Variants in RAB37 observed in about 807,000 individuals in gnomAD.
RAB37 encodes RAB37, member RAS oncogene family.
In RAB37, 29 loss-of-function variants were observed where a neutral mutation model predicts 33.1. That is an observed-to-expected ratio of 0.88 (90% CI 0.65 to 1.20). The LOEUF (loss-of-function observed/expected upper bound fraction) is 1.20, where lower values mean the gene tolerates loss of function less well. RAB37 is among the 50% of genes most tolerant of loss of function. The pLI, the probability that RAB37 is intolerant of heterozygous loss-of-function variation, is 0.00. For synonymous variants in RAB37, 128 were observed against 119.5 expected (o/e 1.07, Z -0.47); for missense variants, 299 against 301.1 (o/e 0.99, Z 0.05).
At chr17:74,718,227 G>A (rs1245079574) in intron 1 of RAB37, among the ~76,000 whole-genome samples, 1 of 152,108 alleles carries the variant, frequency 6.6e-6, no homozygotes, top group Non-Finnish European at 1.5e-5. Flanking sequence ...CCAGGAGACG[G>A]AGGTTGCAGT....
At chr17:74,705,397 C>T (rs1237898011) in intron 1 of RAB37, 1 of 538,334 alleles carries the variant, frequency 1.9e-6, no homozygotes, top group Non-Finnish European at 3.4e-6. Flanking sequence ...CCATACAACA[C>T]AGATCCCACT....
chr17:74,678,984 G>A (rs1173160010), intron 1 of RAB37, among the ~76,000 whole-genome samples: 3 of 151,834 alleles, frequency 2.0e-5, no homozygotes, highest in East Asian at 1.9e-4. Flanking sequence ...GGTGGCAGGC[G>A]CCTGTAACCC....
intron 1 of RAB37, among the ~76,000 whole-genome samples, chr17:74,685,442 C>T (rs2032035426): frequency 6.6e-6 from 1 of 152,188 alleles, no homozygotes; most frequent in African/African-American, 2.4e-5. Context: ...CCTGCCTTGG[C>T]CTCCCAAAGT....
chr17:74,742,237 G>T lies in RAB37; in HGVS notation c.205-17G>T, dbSNP rs201210499. ...CATGACTCCTGCCCTCCCATCCTCT[G>T]CCTTTTTCTCTTTCAGAACAAGGTG... On this transcript the variant is annotated splice_polypyrimidine_tract_variant and intron_variant, in intron 2 of 8. Coordinates refer to ENST00000392613, the MANE Select transcript of RAB37 (RefSeq NM_001006638.3). This position sits in a 1 kb window ranked among gnomAD's most constrained non-coding sequence, Gnocchi z 4.0. 1.2e-6 allele frequency: 2 copies of T among 1,612,524 alleles called. No homozygotes were observed. The highest frequency in any genetic ancestry group is 1.7e-6 in the Non-Finnish European group (2 of 1,179,166).
At chr17:74,683,865 C>A (rs574420552) in intron 1 of RAB37, among the ~76,000 whole-genome samples, 2 of 152,190 alleles carry the variant, frequency 1.3e-5, no homozygotes, top group South Asian at 4.2e-4. Flanking sequence ...GTGGTTGCGT[C>A]CCCAGGACAG....
chr17:74,716,655 A>C (rs975592406), intron 1 of RAB37, among the ~76,000 whole-genome samples: 2 of 152,122 alleles, frequency 1.3e-5, no homozygotes, highest in African/African-American at 4.8e-5. Flanking sequence ...ATTCAAACCC[A>C]GGCCTGGTTC....
intron 1 of RAB37, among the ~76,000 whole-genome samples, chr17:74,704,026 C>T (rs918596777): frequency 1.3e-5 from 2 of 152,166 alleles, no homozygotes; most frequent in African/African-American, 4.8e-5. Flanking sequence ...TGCTGAGCCT[C>T]TTTTTCCCCC....
At chr17:74,689,967 T>C (rs1450652721) in intron 1 of RAB37, among the ~76,000 whole-genome samples, 1 of 152,182 alleles carries the variant, frequency 6.6e-6, no homozygotes, top group Non-Finnish European at 1.5e-5. Flanking sequence ...TGGAATCTTT[T>C]TTGACATGAG....
rs200868308 is a variant in RAB37, at chr17:74,743,081, C to G, written c.247-48C>G. 3.4e-4 allele frequency: 528 copies of G among 1,565,302 alleles called. 9 individuals are homozygous for G. In the South Asian group the frequency reaches 5.6e-3, roughly 17 times the overall value. The stretch of plus-strand genomic sequence containing the variant: ...CAGGCCTGCTCCACCCAGCACATTC[C>G]TTGCACCTGCCTCCTTCTGACCATT... On this transcript the variant is annotated intron_variant, in intron 3 of 8. Transcript: ENST00000392613.
intron 1 of RAB37, among the ~76,000 whole-genome samples, chr17:74,691,257 C>T (rs1410985763): frequency 6.6e-6 from 1 of 152,082 alleles, no homozygotes; most frequent in Non-Finnish European, 1.5e-5. Flanking sequence ...GCCTTGGCCT[C>T]CCAAAGTGCT....
Position 74,738,862 on chromosome 17 carries a change from G to A in RAB37, c.93+1497G>A, listed in dbSNP as rs947563599. Among the ~76,000 whole-genome samples, 3 of 152,134 alleles carry A rather than the reference G, an allele frequency of 2.0e-5. No individual in the cohort carries two copies. Among genetic ancestry groups the A allele is most frequent in the Non-Finnish European group, 2.9e-5 (2 of 67,994 alleles). On this transcript the variant is annotated intron_variant, in intron 1 of 8. Coordinates refer to ENST00000392613, the MANE Select transcript of RAB37 (RefSeq NM_001006638.3). The surrounding 1 kb of genome is among the most constrained non-coding windows in gnomAD (Gnocchi z 5.0). ...CCCACAGGCAGACAGTTCCCACCCT[G>A]GGCCACTCTTCCCTGGGTCTTAGGT...
In RAB37 at chr17:74,710,798, C is replaced by T. The variant is rs567726405; in HGVS notation, c.73-18458C>T. On this transcript the variant is annotated intron_variant, in intron 1 of 7. Coordinates refer to the RAB37 transcript ENST00000340415. Reference sequence around the variant, plus strand: ...AGAAGAATCACTTGAATCTGGGAGGCAGAGGTTGCAGTGAGCCAAGATCGC... The same window carrying T: ...AGAAGAATCACTTGAATCTGGGAGGTAGAGGTTGCAGTGAGCCAAGATCGC... Among the ~76,000 whole-genome samples the T allele has an allele frequency of 6.6e-5, 10 of 151,680 alleles. No homozygotes were observed. The East Asian group carries it at 1.9e-3, about 29-fold the overall frequency.
At chr17:74,735,706 C>T (rs2144049737), upstream of RAB37, among the ~76,000 whole-genome samples, 1 of 152,330 alleles carries the variant, frequency 6.6e-6, no homozygotes, top group Non-Finnish European at 1.5e-5. Flanking sequence ...ATAGCACGCT[C>T]ACCTCCAGAA....
At chr17:74,698,765 A>G (rs2032762013) in intron 1 of RAB37, 1 of 562,228 alleles carries the variant, frequency 1.8e-6, no homozygotes, top group African/African-American at 1.9e-5. Flanking sequence ...ATTGGGTACT[A>G]TACCTATTAC....
At position 74,744,909 on chromosome 17, in the gene RAB37, G is replaced by A. The variant is rs760208960; in HGVS notation, c.469G>A (p.Asp157Asn). 1.2e-6 allele frequency: 2 copies of A among 1,614,284 alleles called. No individual in the cohort carries two copies. The highest frequency in any genetic ancestry group is 8.5e-7 in the Non-Finnish European group (1 of 1,180,048). Reference protein sequence around the residue: ...MSSERVIRSEDGETLAREYGV... With the variant: ...MSSERVIRSENGETLAREYGV... ...CAGCGAAAGAGTGATCCGTTCCGAA[G>A]ACGGAGAGACCTTGGCCAGGGTAAG... Residue 157 changes from aspartate (D) to asparagine (N), a missense_variant, in exon 7 of 9, where the codon GAC (aspartate) becomes AAC (asparagine). Coordinates refer to ENST00000392613, the MANE Select transcript of RAB37 (RefSeq NM_001006638.3). This position sits in a 1 kb window ranked among gnomAD's most constrained non-coding sequence, Gnocchi z 4.2.
At chr17:74,685,408 G>A (rs555200001) in intron 1 of RAB37, among the ~76,000 whole-genome samples, 9 of 152,180 alleles carry the variant, frequency 5.9e-5, no homozygotes, top group South Asian at 4.1e-4. Flanking sequence ...GGCTGGTCTC[G>A]ATCTCATGAC....
Position 74,745,347 on chromosome 17 carries a change from G to T in RAB37, c.608G>T (p.Ser203Ile). The change falls in exon 9 of 9, where the codon AGC becomes ATC. Residue 203 changes from serine to isoleucine, a missense_variant. Physicochemically the swap from Ser to Ile is moderately radical, Grantham distance 142. Coordinates refer to ENST00000392613, the MANE Select transcript of RAB37 (RefSeq NM_001006638.3). This position sits in a 1 kb window ranked among gnomAD's most constrained non-coding sequence, Gnocchi z 4.5. ...GCCGGGCATCAGGCGGATGAGCCCAGCTTCCAGATCCGAGACTATGTAGAG... is the reference window on the plus strand; with the variant it reads ...GCCGGGCATCAGGCGGATGAGCCCATCTTCCAGATCCGAGACTATGTAGAG... ...YRAGHQADEP[S>I]FQIRDYVESQ... 6.2e-7 allele frequency: 1 copy of T among 1,614,134 alleles called. No individual in the cohort carries two copies. Among genetic ancestry groups the T allele is most frequent in the Non-Finnish European group, 8.5e-7 (1 of 1,180,032 alleles).
rs1303175852 is a variant in RAB37, at chr17:74,744,126, G to T, written c.367-182G>T. On this transcript the variant is annotated intron_variant, in intron 5 of 8. Coordinates refer to ENST00000392613, the MANE Select transcript of RAB37 (RefSeq NM_001006638.3). The surrounding 1 kb of genome is among the most constrained non-coding windows in gnomAD (Gnocchi z 4.2). ...ATAAAATGGTGAGGGTGGGGCCATT[G>T]TGGGTTGAGCCACCAAGGAAGGCCA... Among the ~76,000 whole-genome samples the T allele has an allele frequency of 6.6e-6, 1 of 152,150 alleles. No individual in the cohort carries two copies. The highest frequency in any genetic ancestry group is 1.5e-5 in the Non-Finnish European group (1 of 68,034).
At chr17:74,695,376 C>A (rs1012271566) in intron 1 of RAB37, 22 of 1,137,772 alleles carry the variant, frequency 1.9e-5, no homozygotes, top group Non-Finnish European at 2.0e-5. Context: ...CTCAAGCCCT[C>A]CAGCTTCCCC....
Sources: gnomAD v4.1 joint callset for allele counts (sites outside exome capture counted in the v4.1 genomes callset) on GRCh38, gnomAD v4.1.1 for gene constraint, Gnocchi (gnomAD v3.1) non-coding constraint, MANE v1.5 for transcripts, NCBI Gene and HGNC (gene_info 2026-07-23, HGNC 2026-07-21) for gene names.